Variants in FARP1 observed in about 807,000 individuals in gnomAD.
The protein encoded by FARP1 is FERM, ARH/RhoGEF and pleckstrin domain protein 1.
A neutral mutation model predicts 128.8 loss-of-function variants in FARP1; 52 were observed. The ratio of observed to expected loss-of-function variants is 0.40; its 90% CI spans 0.32 to 0.51. FARP1 has a LOEUF of 0.51. FARP1 is among the 20% of genes least tolerant of loss of function. FARP1 has a pLI of 0.45. For missense variants in FARP1, 1,333 were observed against 1,367.9 expected (o/e 0.97, Z 0.40); for synonymous variants, 580 against 551.8 (o/e 1.05, Z -0.72).
intron 1 of FARP1, among the ~76,000 whole-genome samples, chr13:98,173,395 T>C (rs1669249): frequency 1 from 152,314 of 152,314 alleles, 76,157 homozygotes; most frequent in Non-Finnish European, 1. Flanking sequence ...GGTACAGTGT[T>C]TTCAGGTTTT....
chr13:98,453,341 A>G lies in FARP1; in HGVS notation c.*5024A>G. On this transcript the variant is annotated 3_prime_UTR_variant, in exon 27 of 27. Coordinates refer to ENST00000319562, the MANE Select transcript of FARP1 (RefSeq NM_005766.4). ...TACAAAAATAAGTGGAGCAAATATC[A>G]ATGTGTAAGTCTAATTTTAAAAGAA... The G allele has an allele frequency of 1.2e-6, 1 of 860,292 alleles. No individual in the cohort carries two copies. Among genetic ancestry groups the G allele is most frequent in the Middle Eastern group, 2.3e-4 (1 of 4,326 alleles). The allele number at this position is 860,292 out of a possible 1,614,324, so 53.3% of individuals were successfully genotyped here.
rs967818766 is a variant in FARP1 at position 98,452,165 on chromosome 13, T to C, written c.*3848T>C. On this transcript the variant is annotated 3_prime_UTR_variant, in exon 27 of 27. Transcript: ENST00000319562. ...TTTCAAGGAGTATGCAAAATAAGCG[T>C]GTTATAAAATTTATTTGTGTAAGCA... is the stretch of plus-strand genomic sequence containing the variant. 4 of 152,054 alleles carry C rather than the reference T, an allele frequency of 2.6e-5. No individual in the cohort carries two copies. Among genetic ancestry groups the C allele is most frequent in the African/African-American group, 9.7e-5 (4 of 41,366 alleles). 9.4% of individuals were successfully genotyped at this position (152,054 alleles called of 1,614,324 possible).
intron 1 of FARP1, among the ~76,000 whole-genome samples, chr13:98,203,052 T>C (rs1386454846): frequency 6.6e-6 from 1 of 152,144 alleles, no homozygotes; most frequent in Admixed American, 6.5e-5. Context: ...TATAGGTATA[T>C]GGTACAAAAT....
intron 18 of FARP1, chr13:98,433,546 C>T (rs912329): frequency 0.2 from 30,785 of 152,170 alleles, 3,669 homozygotes; most frequent in African/African-American, 0.33. Flanking sequence ...CTGGGCAACA[C>T]AGTGAGACCT....
At chr13:98,418,280 T>G (rs551174490) in intron 16 of FARP1, among the ~76,000 whole-genome samples, 1,532 of 148,314 alleles carry the variant, frequency 0.01, 18 homozygotes, top group African/African-American at 0.034. Context: ...GTTTTGTTTT[T>G]TGTTTTTTTT....
At chr13:98,213,444 G>A (rs765859129) in intron 2 of FARP1, 31 bp downstream of exon 2, 43 of 1,605,606 alleles carry the variant, frequency 2.7e-5, no homozygotes, top group Non-Finnish European at 3.4e-5. Flanking sequence ...TAACCCAGGA[G>A]TGTGGTAGGG....
Position 98,408,582 on chromosome 13 carries a change from G to A in FARP1, c.1415-756G>A, listed in dbSNP as rs1342774802. On this transcript the variant is annotated intron_variant, in intron 13 of 26. Coordinates refer to ENST00000319562, the MANE Select transcript of FARP1 (RefSeq NM_005766.4). ...GACCTCAGGCAATCCGCCTGCCTCG[G>A]CCTCCCAAAGTGCTGGGATTACAGG... Among the ~76,000 whole-genome samples the A allele has an allele frequency of 6.6e-5, 10 of 152,196 alleles. No homozygotes were observed. The East Asian group carries it at 1.9e-3, about 29-fold the overall frequency.
chr13:98,197,937 A>C (rs985841173), intron 1 of FARP1, among the ~76,000 whole-genome samples: 5 of 152,110 alleles, frequency 3.3e-5, no homozygotes, highest in African/African-American at 1.2e-4. Flanking sequence ...GCCCGGCCAA[A>C]AGTTACTTAT....
At chr13:98,446,583 C>T in intron 25 of FARP1, 83 bp from the exon 26 acceptor site, 1 of 1,451,172 alleles carries the variant, frequency 6.9e-7, no homozygotes, top group Admixed American at 1.7e-5. Context: ...GCTCCCAAGT[C>T]CCTGTCTGAT....
intron 13 of FARP1, chr13:98,396,088 A>G (rs533797895): frequency 2.0e-4 from 78 of 399,088 alleles, no homozygotes; most frequent in Middle Eastern, 1.3e-3. Flanking sequence ...AGATCCACTC[A>G]TCCTTAGCCA....
At chr13:98,447,528 C>G (rs575925719) in intron 26 of FARP1, 40 of 152,450 alleles carry the variant, frequency 2.6e-4, no homozygotes, top group African/African-American at 8.9e-4. Context: ...TTGGGGAGTC[C>G]GTCCTGCATT....
intron 10 of FARP1, chr13:98,390,575 C>G: frequency 2.0e-6 from 1 of 499,130 alleles, no homozygotes; most frequent in Non-Finnish European, 3.5e-6. Flanking sequence ...ACACAGTTAT[C>G]AAGTGGGCTT....
At chr13:98,372,172 C>T (rs35127691) in intron 5 of FARP1, among the ~76,000 whole-genome samples, 20,372 of 150,392 alleles carry the variant, frequency 0.14, 2,315 homozygotes, top group East Asian at 0.52. Flanking sequence ...CTGCAACCTC[C>T]GCCTCGTAGG....
intron 2 of FARP1, among the ~76,000 whole-genome samples, chr13:98,271,367 C>T (rs777656635): frequency 6.6e-6 from 1 of 152,150 alleles, no homozygotes; most frequent in African/African-American, 2.4e-5. Flanking sequence ...TCTCCTCTTA[C>T]ATTGACAGTA....
At chr13:98,399,314 T>G (rs1326068468) in intron 13 of FARP1, 1 of 152,160 alleles carries the variant, frequency 6.6e-6, no homozygotes, top group Non-Finnish European at 1.5e-5. Context: ...TGGAGCACGT[T>G]TGCTGAGGTG....
intron 3 of FARP1, among the ~76,000 whole-genome samples, chr13:98,351,234 C>T (rs1443004807): frequency 2.0e-5 from 3 of 152,036 alleles, no homozygotes; most frequent in Admixed American, 1.3e-4. Flanking sequence ...AGCTGTTGGC[C>T]GTATCATACC....
chr13:98,225,081 T>G (rs913025143), intron 2 of FARP1, among the ~76,000 whole-genome samples: 5 of 152,218 alleles, frequency 3.3e-5, no homozygotes, highest in African/African-American at 1.2e-4. Flanking sequence ...AGAAAGAGAC[T>G]GCTTTGTGTA....
intron 2 of FARP1, among the ~76,000 whole-genome samples, chr13:98,343,119 G>A (rs781386997): frequency 3.3e-5 from 5 of 152,120 alleles, no homozygotes; most frequent in Non-Finnish European, 7.4e-5. Context: ...AGTCCTGTAT[G>A]AGTCCAGCTA....
intron 24 of FARP1, among the ~76,000 whole-genome samples, chr13:98,444,504 G>C (rs1892696259): frequency 6.6e-6 from 1 of 152,194 alleles, no homozygotes; most frequent in Non-Finnish European, 1.5e-5. Flanking sequence ...CACCAGCATG[G>C]CCTCGGCCTC....
Sources: gnomAD v4.1 joint callset for allele counts (sites outside exome capture counted in the v4.1 genomes callset) on GRCh38, gnomAD v4.1.1 for gene constraint, MANE v1.5 for transcripts, NCBI Gene and HGNC (gene_info 2026-07-23, HGNC 2026-07-21) for gene names.